Variants in ABCB5 observed in about 807,000 individuals in gnomAD.
ABCB5 encodes ATP binding cassette subfamily B member 5.
In ABCB5, 155 loss-of-function variants were observed where a neutral mutation model predicts 144.2. The observed-to-expected ratio is 1.08, with a 90% CI of 0.94 to 1.23. The LOEUF is 1.23. ABCB5 is among the 50% of genes most tolerant of loss of function. The probability of loss-of-function intolerance (pLI) is 0.00; values close to 1 mark genes in which losing one functional copy is unlikely to be tolerated. For missense variants in ABCB5, 1,830 were observed against 1,520.8 expected (o/e 1.20, Z -3.38); for synonymous variants, 610 against 528.6 (o/e 1.15, Z -2.11).
chr7:20,705,058 G>C (rs1039305354), intron 20 of ABCB5, among the ~76,000 whole-genome samples: 3 of 152,100 alleles, frequency 2.0e-5, no homozygotes, highest in African/African-American at 7.2e-5. Context: ...CTAAAGAAGA[G>C]ACCAAGAATA....
intron 26 of ABCB5, among the ~76,000 whole-genome samples, chr7:20,748,143 G>A (rs1304705519): frequency 3.3e-5 from 5 of 152,278 alleles, no homozygotes; most frequent in South Asian, 2.1e-4. Context: ...GAAAGGGTTC[G>A]TAACCATGGT....
At chr7:20,683,473 A>G (rs1271856360) in intron 15 of ABCB5, among the ~76,000 whole-genome samples, 1 of 152,198 alleles carries the variant, frequency 6.6e-6, no homozygotes, top group Non-Finnish European at 1.5e-5. Flanking sequence ...TTTAAACACT[A>G]TTAATACTAG....
intron 19 of ABCB5, among the ~76,000 whole-genome samples, chr7:20,702,935 C>G (rs1222647018): frequency 6.6e-6 from 1 of 151,034 alleles, no homozygotes; most frequent in African/African-American, 2.4e-5. Context: ...CTTGGCCTCC[C>G]TAAATGTTTT....
intron 7 of ABCB5, among the ~76,000 whole-genome samples, chr7:20,645,403 G>A (rs952534390): frequency 6.6e-6 from 1 of 152,136 alleles, no homozygotes; most frequent in Non-Finnish European, 1.5e-5. Context: ...CTTGCTATGC[G>A]AATAGGCAAT....
At position 20,681,578 on chromosome 7, in the gene ABCB5, C is replaced by T. The variant is rs762841820; in HGVS notation, c.1781C>T (p.Thr594Ile). The change falls in exon 15 of 28, where the codon ACC becomes ATC. Residue 594 changes from threonine to isoleucine, a missense_variant. Transcript: ENST00000404938. ...STIRSADLIV[T>I]LKDGMLAEKG... Reference sequence around the variant, plus strand: ...ATTCGAAGTGCAGATTTGATTGTGACCCTAAAGGATGGAATGCTGGCGGAG... The same window carrying T: ...ATTCGAAGTGCAGATTTGATTGTGATCCTAAAGGATGGAATGCTGGCGGAG... The T allele has an allele frequency of 2.2e-5, 35 of 1,614,124 alleles. No individual in the cohort carries two copies. Among genetic ancestry groups the T allele is most frequent in the Admixed American group, 1.0e-4 (6 of 60,018 alleles).
intron 20 of ABCB5, among the ~76,000 whole-genome samples, chr7:20,708,756 G>A (rs1786910349): frequency 6.6e-6 from 1 of 152,040 alleles, no homozygotes; most frequent in Non-Finnish European, 1.5e-5. Flanking sequence ...ATAAATAACC[G>A]TAGGCCTTAA....
chr7:20,626,854 G>GGTGTGTCTGT (rs1783920665), intron 3 of ABCB5, among the ~76,000 whole-genome samples: 1 of 143,670 alleles, frequency 7.0e-6, no homozygotes, highest in African/African-American at 2.6e-5. Context: ...GTGTTTTTGG[G>GGTGTGTCTGT]GTGTGTGTGT....
chr7:20,745,871 G>A (rs933089268), intron 26 of ABCB5, among the ~76,000 whole-genome samples: 3 of 152,116 alleles, frequency 2.0e-5, no homozygotes, highest in South Asian at 2.1e-4. Flanking sequence ...TCCCCTGTGC[G>A]CTTAGAATAA....
chr7:20,638,612 G>T (rs1474101929), intron 5 of ABCB5, among the ~76,000 whole-genome samples: 1 of 152,166 alleles, frequency 6.6e-6, no homozygotes, highest in Admixed American at 6.6e-5. Flanking sequence ...TATATAATAT[G>T]TAAGGTTCTT....
At chr7:20,748,832 A>G (rs551974674) in intron 26 of ABCB5, among the ~76,000 whole-genome samples, 45 of 152,286 alleles carry the variant, frequency 3.0e-4, no homozygotes, top group Non-Finnish European at 5.9e-4. Flanking sequence ...ACCCATATGT[A>G]AAACAGGCAT....
At chr7:20,736,111 T>C (rs1175827600) in intron 23 of ABCB5, among the ~76,000 whole-genome samples, 1 of 152,210 alleles carries the variant, frequency 6.6e-6, no homozygotes, top group Non-Finnish European at 1.5e-5. Flanking sequence ...TGCCTTCTAA[T>C]CAAAGAAAGA....
intron 20 of ABCB5, among the ~76,000 whole-genome samples, chr7:20,716,883 T>C (rs892423249): frequency 1.3e-5 from 2 of 152,162 alleles, no homozygotes; most frequent in Non-Finnish European, 2.9e-5. Flanking sequence ...TTCTAAAGCG[T>C]GCCGAACCCC....
chr7:20,628,921 ATTAT>A (rs2068390189), intron 4 of ABCB5, 83 bp downstream of exon 4: 2 of 1,439,036 alleles, frequency 1.4e-6, no homozygotes, highest in African/African-American at 1.4e-5. Context: ...AGCAAGGCAG[ATTAT>A]TGTATTGTAA....
intron 14 of ABCB5, among the ~76,000 whole-genome samples, chr7:20,668,622 C>T (rs1443409801): frequency 2.9e-3 from 424 of 147,716 alleles, no homozygotes; most frequent in African/African-American, 0.01. Flanking sequence ...GCCCGGCCAG[C>T]CGCCCCGTCC....
intron 23 of ABCB5, among the ~76,000 whole-genome samples, chr7:20,738,643 G>T (rs1025401282): frequency 2.0e-5 from 3 of 152,156 alleles, no homozygotes; most frequent in African/African-American, 7.2e-5. Flanking sequence ...CCTATTGTCA[G>T]TTGAATTCTC....
intron 26 of ABCB5, among the ~76,000 whole-genome samples, chr7:20,751,799 A>G (rs1404298291): frequency 6.6e-6 from 1 of 152,236 alleles, no homozygotes; most frequent in African/African-American, 2.4e-5. Flanking sequence ...AATGCATTTT[A>G]GGAGGAAGGG....
intron 14 of ABCB5, chr7:20,659,577 C>T: frequency 1.1e-5 from 11 of 995,774 alleles, no homozygotes; most frequent in Non-Finnish European, 1.3e-5. Flanking sequence ...AATAACAATG[C>T]CACATGTTGC....
intron 20 of ABCB5, among the ~76,000 whole-genome samples, chr7:20,710,270 G>A (rs1786982310): frequency 7.1e-6 from 1 of 140,488 alleles, no homozygotes. Context: ...GGGAGGCTGA[G>A]GCAGGAAAAT....
intron 20 of ABCB5, among the ~76,000 whole-genome samples, chr7:20,705,667 T>C (rs1470790615): frequency 1.3e-5 from 2 of 152,190 alleles, no homozygotes; most frequent in Non-Finnish European, 2.9e-5. Flanking sequence ...CTTACAAGTA[T>C]TTATTCTGTT....
Sources: allele counts gnomAD v4.1 joint callset (sites outside exome capture counted in the v4.1 genomes callset), GRCh38; gene constraint gnomAD v4.1.1; transcripts MANE v1.5; gene names NCBI Gene and HGNC (gene_info 2026-07-23, HGNC 2026-07-21).